ARMC9: variants seen among roughly 807,000 people sequenced by gnomAD.
ARMC9 encodes the protein lisH domain-containing protein ARMC9.
ARMC9 carries 94 observed loss-of-function variants against 107.0 expected under a neutral mutation model. The ratio of observed to expected loss-of-function variants is 0.88; its 90% confidence interval spans 0.74 to 1.04. The LOEUF is 1.04. Among genes scored for constraint, ARMC9 ranks in the 50% least tolerant of loss-of-function variants. The probability of loss-of-function intolerance (pLI) is 0.00; values close to 1 mark genes in which losing one functional copy is unlikely to be tolerated. For synonymous variants in ARMC9, 380 were observed against 396.9 expected (o/e 0.96, Z 0.51); for missense variants, 942 against 1,030.1 (o/e 0.91, Z 1.17).
At chr2:231,296,706 TC>T (rs1211861734) in intron 19 of ARMC9, among the ~76,000 whole-genome samples, 3 of 152,212 alleles carry the variant, frequency 2.0e-5, no homozygotes, top group Non-Finnish European at 2.9e-5. Context: ...TTATTTGCAT[TC>T]TTTTGACTTG....
chr2:231,214,002 A>G (rs1349904470), intron 3 of ARMC9, among the ~76,000 whole-genome samples: 1 of 152,230 alleles, frequency 6.6e-6, no homozygotes, highest in Non-Finnish European at 1.5e-5. Context: ...TGATACTTAA[A>G]TCCACAAAAT....
chr2:231,302,292 TATG>T (rs2041780534), intron 19 of ARMC9, among the ~76,000 whole-genome samples: 2 of 151,824 alleles, frequency 1.3e-5, no homozygotes, highest in South Asian at 2.1e-4. Context: ...AGAACTTAAA[TATG>T]ATAAAATGTT....
Position 231,262,415 on chromosome 2 carries a change from G to T in ARMC9, c.1119+17G>T. 6.2e-7 allele frequency: 1 copy of T among 1,604,616 alleles called. No homozygotes were observed. The highest frequency in any genetic ancestry group is 8.5e-7 in the Non-Finnish European group (1 of 1,171,280). ...CACAACCAGGTTGGTAAGAGGTGGG[G>T]CCAGATCCCAGCCAGGGCCTTCAAT... On this transcript the variant is annotated intron_variant, in intron 12 of 24. Coordinates refer to ENST00000611582, the MANE Select transcript of ARMC9 (RefSeq NM_001352754.2).
intron 10 of ARMC9, among the ~76,000 whole-genome samples, chr2:231,257,463 G>A (rs1279272057): frequency 1.3e-5 from 2 of 152,150 alleles, no homozygotes; most frequent in Non-Finnish European, 2.9e-5. Context: ...AGGGGAAGAC[G>A]GGTGCTGTGT....
chr2:231,352,661 GGATAGATAGATAGATAGATAGATA>G (rs150058513), intron 21 of ARMC9, among the ~76,000 whole-genome samples: 14 of 145,292 alleles, frequency 9.6e-5, no homozygotes, highest in Admixed American at 2.7e-4. Flanking sequence ...GATGTTCACA[GGATAGATAGATAGATAGATAGATA>G]GATAGATAGA....
chr2:231,200,194 G>T lies in ARMC9; in HGVS notation c.-42+1496G>T, dbSNP rs555617870. ...GGCGGAGAGAGTAATATGCGCAAAG[G>T]CCTTGAGGTTGGCCTCAAGGTTTCA... On this transcript the variant is annotated intron_variant, in intron 1 of 24. Coordinates refer to ENST00000611582, the MANE Select transcript of ARMC9 (RefSeq NM_001352754.2). 1.9e-3 allele frequency among the ~76,000 whole-genome samples: 293 copies of T among 152,280 alleles called. 1 individual carries two copies. Among genetic ancestry groups the T allele is most frequent in the African/African-American group, 6.8e-3 (281 of 41,548 alleles).
intron 19 of ARMC9, among the ~76,000 whole-genome samples, chr2:231,315,361 A>G (rs1368378374): frequency 6.6e-6 from 1 of 151,810 alleles, no homozygotes; most frequent in Non-Finnish European, 1.5e-5. Flanking sequence ...GCATGGTGAA[A>G]CCCCATCTCT....
intron 19 of ARMC9, among the ~76,000 whole-genome samples, chr2:231,301,933 C>T (rs1480890718): frequency 1.3e-5 from 2 of 151,990 alleles, no homozygotes; most frequent in Non-Finnish European, 2.9e-5. Flanking sequence ...GATCCAACAT[C>T]ACGCCGCTGC....
intron 9 of ARMC9, among the ~76,000 whole-genome samples, chr2:231,254,432 CT>C (rs2037571639): frequency 6.6e-6 from 1 of 152,098 alleles, no homozygotes; most frequent in Non-Finnish European, 1.5e-5. Context: ...GAAAGCTTTC[CT>C]TCAGTGCGGG....
intron 20 of ARMC9, among the ~76,000 whole-genome samples, chr2:231,343,807 C>A (rs558050834): frequency 6.6e-6 from 1 of 151,772 alleles, no homozygotes; most frequent in Non-Finnish European, 1.5e-5. Flanking sequence ...GACAGAGTGG[C>A]GTGCACTTGT....
chr2:231,322,436 A>G (rs2043050160), intron 19 of ARMC9, among the ~76,000 whole-genome samples: 1 of 152,244 alleles, frequency 6.6e-6, no homozygotes. Context: ...TCAAGTGGAA[A>G]GCACACCGGA....
chr2:231,339,505 C>T (rs1371351757), intron 20 of ARMC9, among the ~76,000 whole-genome samples: 1 of 152,130 alleles, frequency 6.6e-6, no homozygotes, highest in Non-Finnish European at 1.5e-5. Flanking sequence ...GCAATCATAG[C>T]TCACTGCACC....
chr2:231,344,367 G>A (rs1040878662), intron 20 of ARMC9, among the ~76,000 whole-genome samples: 4 of 152,158 alleles, frequency 2.6e-5, no homozygotes, highest in Admixed American at 6.5e-5. Context: ...TAAAGTTGTA[G>A]TTTCTAATTT....
intron 19 of ARMC9, among the ~76,000 whole-genome samples, chr2:231,299,397 G>C (rs761894415): frequency 6.6e-6 from 1 of 151,198 alleles, no homozygotes; most frequent in African/African-American, 2.5e-5. Flanking sequence ...TAAACTGCAA[G>C]GGGGGAATAG....
At chr2:231,326,545 C>T (rs1237906765) in intron 19 of ARMC9, among the ~76,000 whole-genome samples, 1 of 152,166 alleles carries the variant, frequency 6.6e-6, no homozygotes, top group Non-Finnish European at 1.5e-5. Flanking sequence ...GTCGAATCCC[C>T]TTTTCTTAGG....
rs146931289 is a variant in ARMC9 at position 231,336,037 on chromosome 2, C to T, written c.1878+4140C>T. Among the ~76,000 whole-genome samples the T allele has an allele frequency of 4.5e-3, 689 of 152,068 alleles. 5 individuals are homozygous for T. Among genetic ancestry groups the T allele is most frequent in the African/African-American group, 0.015 (640 of 41,448 alleles). On this transcript the variant is annotated intron_variant, in intron 20 of 24. Coordinates refer to ENST00000611582, the MANE Select transcript of ARMC9 (RefSeq NM_001352754.2). ...GAGGCTTCAGGGAGCTGTGATTGCACCACTACATTCCAGCCTTGGAGTGCA... is the reference window on the plus strand; with the variant it reads ...GAGGCTTCAGGGAGCTGTGATTGCATCACTACATTCCAGCCTTGGAGTGCA...
At chr2:231,222,934 G>C (rs185296957) in intron 6 of ARMC9, 114 bp downstream of exon 6, 76 of 612,260 alleles carry the variant, frequency 1.2e-4, no homozygotes, top group Non-Finnish European at 1.9e-4. Context: ...ATAATTAATA[G>C]TGTTGCTTTC....
chr2:231,299,622 T>C (rs1048645245), intron 19 of ARMC9, among the ~76,000 whole-genome samples: 2 of 152,214 alleles, frequency 1.3e-5, no homozygotes, highest in Non-Finnish European at 2.9e-5. Context: ...AGTCTGGCTG[T>C]GCACAGAAGA....
In ARMC9 at chr2:231,376,110, T is replaced by A. The variant is rs999945812; in HGVS notation, c.*4575T>A. On this transcript the variant is annotated 3_prime_UTR_variant, in exon 25 of 25. Transcript: ENST00000611582. ...TGTCTTTACTTTAATCTCTTAATCC[T>A]GTCAGCTGAGGGGGATGTATGTTGC... Among the ~76,000 whole-genome samples the A allele has an allele frequency of 6.6e-6, 1 of 152,214 alleles. No individual in the cohort carries two copies. The highest frequency in any genetic ancestry group is 2.4e-5 in the African/African-American group (1 of 41,444).
Sources: gnomAD v4.1 joint callset for allele counts (sites outside exome capture counted in the v4.1 genomes callset) on GRCh38, gnomAD v4.1.1 for gene constraint, MANE v1.5 for transcripts, NCBI Gene and HGNC (gene_info 2026-07-23, HGNC 2026-07-21) for gene names.